ANK3: variants seen among roughly 807,000 people sequenced by gnomAD.
ANK3 encodes the protein ankyrin 3, also known as ankyrin-3.
ANK3 carries 57 observed loss-of-function variants against 370.9 expected under a neutral mutation model. The observed-to-expected ratio is 0.15, with a 90% CI of 0.12 to 0.19. The LOEUF is 0.19. Among genes scored for constraint, ANK3 ranks in the 10% least tolerant of loss-of-function variants. ANK3 has a pLI of 1.00. For synonymous variants in ANK3, 1,929 were observed against 1,946.3 expected (o/e 0.99, Z 0.23); for missense variants, 4,439 against 5,302.1 (o/e 0.84, Z 5.06).
intron 1 of ANK3, among the ~76,000 whole-genome samples, chr10:60,706,111 G>C (rs1243160093): frequency 6.6e-6 from 1 of 152,016 alleles, no homozygotes; most frequent in African/African-American, 2.4e-5. Flanking sequence ...CACCGCACTG[G>C]TGTGCACCAC....
chr10:60,711,856 G>T (rs1231656551), intron 1 of ANK3, among the ~76,000 whole-genome samples: 2 of 152,084 alleles, frequency 1.3e-5, no homozygotes, highest in Non-Finnish European at 2.9e-5. Context: ...ACCTAAAAAG[G>T]AACACGGATA....
intron 2 of ANK3, among the ~76,000 whole-genome samples, chr10:60,542,373 C>T (rs888119040): frequency 6.6e-6 from 1 of 151,802 alleles, no homozygotes; most frequent in Non-Finnish European, 1.5e-5. Context: ...CTCAATACAC[C>T]ACTTTACAAC....
At chr10:60,648,062 G>T (rs1393274142) in intron 1 of ANK3, among the ~76,000 whole-genome samples, 1 of 151,502 alleles carries the variant, frequency 6.6e-6, no homozygotes, top group Non-Finnish European at 1.5e-5. Context: ...GGCCAGGATG[G>T]TCTGGATCTC....
In ANK3 at chr10:60,073,740, C is replaced by T. The variant is rs367600332; in HGVS notation, c.7141G>A (p.Asp2381Asn). Reference protein sequence around the residue: ...NLKDFLPEKHDAFPCSEEQGQ... With the variant: ...NLKDFLPEKHNAFPCSEEQGQ... ...TGTTCCTCTGAACAAGGAAAAGCATCGTGTTTTTCTGGCAGAAAATCTTTT... is the reference window on the plus strand; with the variant it reads ...TGTTCCTCTGAACAAGGAAAAGCATTGTGTTTTTCTGGCAGAAAATCTTTT... The change falls in exon 37 of 44, where the codon GAT (aspartate) becomes AAT (asparagine). Residue 2381 changes from aspartate to asparagine, a missense_variant. By Grantham distance (23) the Asp-to-Asn change is conservative. This residue lies in a region of ANK3 where 1,601 missense variants were observed against 1,731.7 expected (regional missense o/e 0.92). Coordinates refer to ENST00000280772, the MANE Select transcript of ANK3 (RefSeq NM_020987.5). 9 of 1,613,758 alleles carry T rather than the reference C, an allele frequency of 5.6e-6. No individual in the cohort carries two copies. Among genetic ancestry groups the T allele is most frequent in the African/African-American group, 5.3e-5 (4 of 74,892 alleles).
chr10:60,627,864 T>C (rs192057301), intron 1 of ANK3, among the ~76,000 whole-genome samples: 119 of 152,266 alleles, frequency 7.8e-4, no homozygotes, highest in African/African-American at 2.8e-3. Context: ...AGTGTTGTTA[T>C]CTTCATTATA....
At chr10:60,536,407 A>G (rs2076725580) in intron 2 of ANK3, among the ~76,000 whole-genome samples, 1 of 152,114 alleles carries the variant, frequency 6.6e-6, no homozygotes, top group South Asian at 2.1e-4. Flanking sequence ...GCAAAAAATT[A>G]GAGAAATGCC....
At chr10:60,043,869 A>C in intron 42 of ANK3, 1 of 914,198 alleles carries the variant, frequency 1.1e-6, no homozygotes, top group Non-Finnish European at 1.3e-6. Flanking sequence ...GAAAACTCTG[A>C]AGACAGTTAA....
chr10:60,576,376 A>G (rs1257338000), intron 2 of ANK3, among the ~76,000 whole-genome samples: 1 of 152,218 alleles, frequency 6.6e-6, no homozygotes, highest in Non-Finnish European at 1.5e-5. Context: ...ATCTATTTTT[A>G]AAACAGAAAG....
chr10:60,513,885 T>A (rs1416698520), intron 2 of ANK3, among the ~76,000 whole-genome samples: 1 of 152,174 alleles, frequency 6.6e-6, no homozygotes, highest in Non-Finnish European at 1.5e-5. Flanking sequence ...AGTCCACTTA[T>A]ACACGGACCT....
intron 1 of ANK3, among the ~76,000 whole-genome samples, chr10:60,641,605 C>CCTTA (rs2078633826): frequency 2.0e-5 from 3 of 151,836 alleles, no homozygotes. Flanking sequence ...TGGATCCCTT[C>CCTTA]CTTACACCTT....
At chr10:60,547,597 G>A (rs1324600633) in intron 2 of ANK3, among the ~76,000 whole-genome samples, 4 of 151,190 alleles carry the variant, frequency 2.6e-5, no homozygotes, top group South Asian at 2.1e-4. Flanking sequence ...AGCTGGTCTC[G>A]AACTCCTGAC....
chr10:60,667,373 T>A (rs1463372586), intron 1 of ANK3, among the ~76,000 whole-genome samples: 1 of 151,696 alleles, frequency 6.6e-6, no homozygotes, highest in Non-Finnish European at 1.5e-5. Context: ...TGTTCTTAAC[T>A]ACAAATAAAG....
chr10:60,149,514 A>G (rs1174060426), intron 23 of ANK3, among the ~76,000 whole-genome samples: 1 of 152,200 alleles, frequency 6.6e-6, no homozygotes, highest in African/African-American at 2.4e-5. Flanking sequence ...AAACAAGCAC[A>G]CAATTCCTTG....
At chr10:60,514,599 CTCT>C (rs2076170754) in intron 2 of ANK3, among the ~76,000 whole-genome samples, 1 of 152,068 alleles carries the variant, frequency 6.6e-6, no homozygotes, top group Non-Finnish European at 1.5e-5. Flanking sequence ...GAGTGAGTTT[CTCT>C]TCTTTGAAAT....
chr10:60,335,939 A>C (rs2052718684), intron 1 of ANK3, among the ~76,000 whole-genome samples: 1 of 152,182 alleles, frequency 6.6e-6, no homozygotes, highest in African/African-American at 2.4e-5. Flanking sequence ...TTAGATACAG[A>C]AGCCAATAGA....
rs547173120 is a variant in ANK3, at chr10:60,072,731, G to C, written c.8150C>G (p.Ser2717Cys). The change falls in exon 37 of 44, where the codon TCC (serine) becomes TGC (cysteine). Residue 2717 changes from serine (S) to cysteine (C), a missense_variant. By Grantham distance (112) the Ser-to-Cys change is moderately radical. Transcript: ENST00000280772. Reference protein sequence around the residue: ...GFQLKQSKLSSIRLKFEQGTH... With the variant: ...GFQLKQSKLSCIRLKFEQGTH... Reference sequence around the variant, plus strand: ...GCCTTGTTCAAATTTTAATCTAATGGAACTGAGTTTAGATTGTTTGAGCTG... The same window carrying C: ...GCCTTGTTCAAATTTTAATCTAATGCAACTGAGTTTAGATTGTTTGAGCTG... 1.2e-6 allele frequency: 2 copies of C among 1,613,962 alleles called. No individual in the cohort carries two copies. Among genetic ancestry groups the C allele is most frequent in the Admixed American group, 1.7e-5 (1 of 60,008 alleles).
intron 7 of ANK3, among the ~76,000 whole-genome samples, chr10:60,255,528 CA>C (rs551465973): frequency 1.4e-3 from 217 of 152,172 alleles, no homozygotes; most frequent in Admixed American, 3.1e-3. Flanking sequence ...TGGACAATAG[CA>C]GATAAATAAA....
rs575460251 is a variant in ANK3 at position 60,264,146 on chromosome 10, C to T, written c.514-126G>A. ...TGTTTGGGATTATTAAAACTAACAACATATTTGAATGGACAGAAATGTGAA... is the reference window on the plus strand; with the variant it reads ...TGTTTGGGATTATTAAAACTAACAATATATTTGAATGGACAGAAATGTGAA... On this transcript the variant is annotated intron_variant, in intron 5 of 43. Transcript: ENST00000280772. 121 of 733,658 alleles carry T rather than the reference C, an allele frequency of 1.6e-4. 2 individuals are homozygous for T. The African/African-American group carries it at 1.9e-3, about 12-fold the overall frequency. 45.4% of individuals were successfully genotyped at this position (733,658 alleles called of 1,614,324 possible). A position where few individuals can be genotyped will look rare whatever the true frequency, so the allele number is the denominator to read the frequency against.
intron 1 of ANK3, among the ~76,000 whole-genome samples, chr10:60,351,878 A>C (rs530819072): frequency 6.6e-6 from 1 of 152,282 alleles, no homozygotes; most frequent in South Asian, 2.1e-4. Flanking sequence ...TAAAACAAGT[A>C]CCTCAGATAA....
Sources: allele counts gnomAD v4.1 joint callset (sites outside exome capture counted in the v4.1 genomes callset), GRCh38; gene constraint gnomAD v4.1.1; regional missense constraint gnomAD v4.1.1; transcripts MANE v1.5; gene names NCBI Gene and HGNC (gene_info 2026-07-23, HGNC 2026-07-21).